PLAAT1: variants seen among roughly 807,000 people sequenced by gnomAD.
PLAAT1 encodes the protein phospholipase A and acyltransferase 1.
In PLAAT1, 13 loss-of-function variants were observed where a neutral mutation model predicts 16.4. The ratio of observed to expected loss-of-function variants is 0.79; its 90% CI spans 0.52 to 1.26. The LOEUF is 1.26. Among genes scored for constraint, PLAAT1 ranks in the 50% most tolerant of loss-of-function variants. The probability of loss-of-function intolerance (pLI) is 0.00; values close to 1 mark genes in which losing one functional copy is unlikely to be tolerated. For missense variants in PLAAT1, 218 were observed against 207.8 expected, an observed-to-expected ratio of 1.05 and a Z score of -0.30; for synonymous variants, 73 against 78.4, an observed-to-expected ratio of 0.93 and a Z score of 0.36.
intron 3 of PLAAT1, among the ~76,000 whole-genome samples, chr3:193,267,880 A>G (rs958724542): frequency 1.2e-4 from 19 of 152,194 alleles, no homozygotes; most frequent in African/African-American, 4.1e-4. Context: ...TGATGTTATC[A>G]GTATTTTGAA....
At chr3:193,257,556 A>C (rs1716423413) in intron 2 of PLAAT1, among the ~76,000 whole-genome samples, 1 of 152,230 alleles carries the variant, frequency 6.6e-6, no homozygotes, top group Admixed American at 6.5e-5. Context: ...AATACAAAGA[A>C]GATTTCTCAA....
chr3:193,276,976 G>C (rs946958433), intron 2 of PLAAT1: 1 of 619,862 alleles, frequency 1.6e-6, no homozygotes, highest in Admixed American at 3.2e-5. Flanking sequence ...TAATACAACT[G>C]AAGGACTCAA....
At chr3:193,270,081 C>CACAA (rs1716932915) in intron 3 of PLAAT1, among the ~76,000 whole-genome samples, 1 of 151,678 alleles carries the variant, frequency 6.6e-6, no homozygotes, top group African/African-American at 2.4e-5. Context: ...CACACACACA[C>CACAA]ACACACACAC....
At chr3:193,281,177 T>C, downstream of PLAAT1, 1 of 985,362 alleles carries the variant, frequency 1.0e-6, no homozygotes, top group Non-Finnish European at 1.2e-6. Flanking sequence ...GTGTGGATTT[T>C]TCATTTACTT....
chr3:193,242,591 G>A (rs768833102), intron 1 of PLAAT1, among the ~76,000 whole-genome samples: 6 of 152,140 alleles, frequency 3.9e-5, no homozygotes, highest in Non-Finnish European at 8.8e-5. Context: ...ATTCTAGGGC[G>A]GGGGACCAAG....
At chr3:193,278,571 G>C (rs148052342), downstream of PLAAT1, among the ~76,000 whole-genome samples, 1 of 152,104 alleles carries the variant, frequency 6.6e-6, no homozygotes, top group Admixed American at 6.5e-5. Context: ...TCCTCTCTGC[G>C]TCTTAGGCTG....
intron 1 of PLAAT1, 39 bp downstream of exon 1, chr3:193,241,572 C>G: frequency 8.2e-7 from 1 of 1,222,100 alleles, no homozygotes. Context: ...CGAGGCGCCC[C>G]GGCAACCAAC....
chr3:193,252,192 C>T (rs1314843891), intron 1 of PLAAT1, among the ~76,000 whole-genome samples: 2 of 151,882 alleles, frequency 1.3e-5, no homozygotes, highest in Admixed American at 1.3e-4. Context: ...GAACAAGGGG[C>T]GGTGGGAGGC....
chr3:193,261,022 T>C (rs560936872), intron 2 of PLAAT1, among the ~76,000 whole-genome samples: 1 of 152,308 alleles, frequency 6.6e-6, no homozygotes, highest in South Asian at 2.1e-4. Flanking sequence ...AATGCTTTGT[T>C]TTTCTGTATT....
chr3:193,263,484 C>T (rs1716665709), intron 3 of PLAAT1, among the ~76,000 whole-genome samples: 1 of 29,836 alleles, frequency 3.4e-5, no homozygotes, highest in East Asian at 4.5e-3. Context: ...TTCTGTCAAT[C>T]TTACTGCCTT....
intron 3 of PLAAT1, among the ~76,000 whole-genome samples, chr3:193,270,085 C>T (rs186733605): frequency 1.3e-5 from 2 of 149,306 alleles, no homozygotes; most frequent in Non-Finnish European, 2.9e-5. Context: ...CACACACACA[C>T]ACACACACAC....
chr3:193,249,375 G>A (rs1297584472), intron 1 of PLAAT1, among the ~76,000 whole-genome samples: 2 of 152,142 alleles, frequency 1.3e-5, no homozygotes, highest in African/African-American at 4.8e-5. Context: ...AATTGCAGTA[G>A]ATTCTTGTTT....
At position 193,270,069 on chromosome 3, in the gene PLAAT1, A is replaced by AACACAC. The variant is rs1553807457; in HGVS notation, c.406-504_406-499dup. On this transcript the variant is annotated intron_variant, in intron 3 of 3. Coordinates refer to ENST00000264735, the MANE Select transcript of PLAAT1 (RefSeq NM_020386.5). ...ATTATTTGCTATTTGACATCCCTGA[A>AACACAC]ACACACACACACACACACACACACA... Among the ~76,000 whole-genome samples, 275 of 147,988 alleles carry AACACAC rather than the reference A, an allele frequency of 1.9e-3. 1 individual carries two copies. The highest frequency in any genetic ancestry group is 0.017 in the Middle Eastern group (5 of 288).
chr3:193,263,133 G>A lies in PLAAT1; in HGVS notation c.303G>A (p.Arg101=), dbSNP rs34398450. Residue 101 remains arginine, a synonymous_variant, in exon 3 of 4, where the codon CGG becomes CGA. Transcript: ENST00000264735. The stretch of plus-strand genomic sequence containing the variant: ...TCCCTGTGGAAGAAATCATAAAGCG[G>A]TCAGAGTTTGTAATTGGACAGGAGG... The part of the protein sequence containing the change: ...PPLPVEEIIK[R]SEFVIGQEVA... 9,456 of 1,614,108 alleles carry A rather than the reference G, an allele frequency of 5.9e-3. 299 individuals are homozygous for A. In the African/African-American group the frequency reaches 0.084, roughly 14 times the overall value.
chr3:193,252,204 C>T (rs1159524942), intron 1 of PLAAT1, among the ~76,000 whole-genome samples: 1 of 151,934 alleles, frequency 6.6e-6, no homozygotes, highest in Non-Finnish European at 1.5e-5. Flanking sequence ...GTGGGAGGCA[C>T]CACACTCTTT....
chr3:193,265,143 G>A (rs2108799907), intron 3 of PLAAT1, among the ~76,000 whole-genome samples: 1 of 152,258 alleles, frequency 6.6e-6, no homozygotes, highest in South Asian at 2.1e-4. Context: ...CTCAGCTATT[G>A]TAATCCTAGG....
At chr3:193,280,577 T>C (rs1717443794), downstream of PLAAT1, among the ~76,000 whole-genome samples, 1 of 152,232 alleles carries the variant, frequency 6.6e-6, no homozygotes, top group Non-Finnish European at 1.5e-5. Flanking sequence ...GCATTTCTTC[T>C]TTCCATCCTG....
chr3:193,247,072 A>T lies in PLAAT1; in HGVS notation c.-1+5539A>T, dbSNP rs1203821088. ...TACTCAGATTTTCTGTTTCTTCCTGATTCAGTCTTGGGTTGCATGTTTCTA... is the reference window on the plus strand; with the variant it reads ...TACTCAGATTTTCTGTTTCTTCCTGTTTCAGTCTTGGGTTGCATGTTTCTA... On this transcript the variant is annotated intron_variant, in intron 1 of 3. Coordinates refer to ENST00000264735, the MANE Select transcript of PLAAT1 (RefSeq NM_020386.5). Among the ~76,000 whole-genome samples, 4 of 152,084 alleles carry T rather than the reference A, an allele frequency of 2.6e-5. No individual in the cohort carries two copies. The East Asian group carries it at 7.7e-4, about 29-fold the overall frequency.
In PLAAT1 at chr3:193,241,415, C is replaced by A; in HGVS notation, c.-119C>A. The A allele has an allele frequency of 8.1e-7, 1 of 1,231,818 alleles. No individual in the cohort carries two copies. The highest frequency in any genetic ancestry group is 1.0e-6 in the Non-Finnish European group (1 of 988,058). 76.3% of individuals were successfully genotyped at this position (1,231,818 alleles called of 1,614,324 possible). A position where few individuals can be genotyped will look rare whatever the true frequency, so the allele number is the denominator to read the frequency against. ...CTGCCTCCCGGGTGTCTCCCGGGTA[C>A]AGATGGAGTCGTCCCGCGGCCGCCG... is the stretch of plus-strand genomic sequence containing the variant. On this transcript the variant is annotated 5_prime_UTR_variant, in exon 1 of 4. Coordinates refer to ENST00000264735, the MANE Select transcript of PLAAT1 (RefSeq NM_020386.5).
Sources: gnomAD v4.1 joint callset for allele counts (sites outside exome capture counted in the v4.1 genomes callset) on GRCh38, gnomAD v4.1.1 for gene constraint, MANE v1.5 for transcripts, NCBI Gene and HGNC (gene_info 2026-07-23, HGNC 2026-07-21) for gene names.